MICAL3: variants seen among roughly 807,000 people sequenced by gnomAD.
MICAL3 encodes microtubule associated monooxygenase, calponin and LIM domain containing 3, also known as [F-actin]-monooxygenase MICAL3.
MICAL3 carries 62 observed loss-of-function variants against 207.4 expected under a neutral mutation model. The ratio of observed to expected loss-of-function variants is 0.30; its 90% CI spans 0.24 to 0.37. The LOEUF is 0.37. MICAL3 is among the 10% of genes least tolerant of loss of function. The pLI is 1.00. For missense variants in MICAL3, 2,368 were observed against 2,635.6 expected, an observed-to-expected ratio of 0.90 and a Z score of 2.22; for synonymous variants, 1,077 against 1,069.3, an observed-to-expected ratio of 1.01 and a Z score of -0.14.
rs548605391 is a variant in MICAL3 at position 17,833,599 on chromosome 22, C to A, written c.2802-1492G>T. Among the ~76,000 whole-genome samples, 9 of 152,350 alleles carry A rather than the reference C, an allele frequency of 5.9e-5. No homozygotes were observed. In the East Asian group the frequency reaches 1.7e-3, roughly 29 times the overall value. Reference sequence around the variant, plus strand: ...AGGACTCCAGCCCTTGTCCTTGGCTCCACGAAAGTAACCTAGACACGCCTG... The same window carrying A: ...AGGACTCCAGCCCTTGTCCTTGGCTACACGAAAGTAACCTAGACACGCCTG... On this transcript the variant is annotated intron_variant, in intron 20 of 31. Transcript: ENST00000441493.
chr22:17,821,503 G>A lies in MICAL3; in HGVS notation c.3455C>T (p.Ser1152Phe). The change falls in exon 25 of 32, where the codon TCC becomes TTC. Residue 1152 changes from serine (S) to phenylalanine (F), a missense_variant. Ser to Phe is a radical substitution (Grantham distance 155, BLOSUM62 -2). Around this residue, in one of 4 missense-constraint regions of MICAL3, gnomAD observed 1,770 missense variants for 1,863.2 expected, o/e 0.95. Transcript: ENST00000441493. ...AGACCGGATGGGGCTGGTGGCTTGG[G>A]AGGGACCTGAAAAGAATGAACACAG... ...ASPKHQERGPSQATSPIRSPQ... is the reference protein window; with the variant it reads ...ASPKHQERGPFQATSPIRSPQ... 1 of 1,539,064 alleles carries A rather than the reference G, an allele frequency of 6.5e-7. No homozygotes were observed. Among genetic ancestry groups the A allele is most frequent in the Non-Finnish European group, 8.7e-7 (1 of 1,143,652 alleles).
In MICAL3 at chr22:17,870,624, A is replaced by G. The variant is rs1029885172; in HGVS notation, c.2428+1213T>C. On this transcript the variant is annotated intron_variant, in intron 17 of 31. Coordinates refer to ENST00000441493, the MANE Select transcript of MICAL3 (RefSeq NM_015241.3). The stretch of plus-strand genomic sequence containing the variant: ...CTAGAACACCCTGAGCATCAGGGAC[A>G]GCTCAGCGAGGTTGGGTGGCTCCCT... 2.0e-5 allele frequency among the ~76,000 whole-genome samples: 3 copies of G among 152,212 alleles called. No homozygotes were observed. The East Asian group carries it at 5.8e-4, about 29-fold the overall frequency.
In MICAL3 at chr22:17,850,654, T is replaced by C. The variant is rs138392404; in HGVS notation, c.2606-8637A>G. ...CTCGATCTCCTGACCTCAGGTGATCTATCTGCCTTGGCCTCTCAAAGTGCA... is the reference window on the plus strand; with the variant it reads ...CTCGATCTCCTGACCTCAGGTGATCCATCTGCCTTGGCCTCTCAAAGTGCA... On this transcript the variant is annotated intron_variant, in intron 19 of 31. Coordinates refer to ENST00000441493, the MANE Select transcript of MICAL3 (RefSeq NM_015241.3). Among the ~76,000 whole-genome samples the C allele has an allele frequency of 5.5e-3, 840 of 152,116 alleles. 6 individuals carry two copies. The highest frequency in any genetic ancestry group is 0.018 in the African/African-American group (741 of 41,492).
At chr22:18,001,010 C>T (rs1273109605) in intron 1 of MICAL3, 1 of 152,212 alleles carries the variant, frequency 6.6e-6, no homozygotes, top group East Asian at 1.9e-4. Flanking sequence ...CCCCCACCCT[C>T]CGCCTCCCGC....
chr22:17,868,116 G>C (rs1006317901), intron 17 of MICAL3, among the ~76,000 whole-genome samples: 3 of 152,154 alleles, frequency 2.0e-5, no homozygotes, highest in African/African-American at 7.2e-5. Flanking sequence ...AGCGCTAAGT[G>C]TGATCTCCGT....
chr22:17,884,309 T>C (rs773356541), intron 16 of MICAL3: 3 of 1,591,664 alleles, frequency 1.9e-6, no homozygotes, highest in Non-Finnish European at 2.6e-6. Context: ...AGGGCGAACC[T>C]GCCCAGGCAG....
At chr22:17,826,701 TGAGAA>T (rs61346013) in intron 22 of MICAL3, among the ~76,000 whole-genome samples, 2 of 151,684 alleles carry the variant, frequency 1.3e-5, no homozygotes. Context: ...AGAATCAGGA[TGAGAA>T]GAGAAGAGGG....
chr22:17,822,206 C>G, intron 23 of MICAL3, 36 bp from the exon 24 acceptor site: 1 of 1,591,838 alleles, frequency 6.3e-7, no homozygotes, highest in Non-Finnish European at 8.6e-7. Flanking sequence ...GGTGCACACC[C>G]TAAGTGAGGC....
chr22:17,829,894 ACT>A, intron 21 of MICAL3, among the ~76,000 whole-genome samples: 1 of 151,502 alleles, frequency 6.6e-6, no homozygotes, highest in East Asian at 1.9e-4. Context: ...TTTGCGCCTG[ACT>A]GTCTGGGCAG....
In MICAL3 at chr22:17,983,511, A is replaced by G. The variant is rs527645362; in HGVS notation, c.-75+40770T>C. On this transcript the variant is annotated intron_variant, in intron 1 of 31. Transcript: ENST00000441493. ...TGACAGAACCCTGTGCGCCCCAAGGATGGAGACCGGCAGTGTCCTTCAGAC... is the reference window on the plus strand; with the variant it reads ...TGACAGAACCCTGTGCGCCCCAAGGGTGGAGACCGGCAGTGTCCTTCAGAC... 6 of 152,268 alleles carry G rather than the reference A, an allele frequency of 3.9e-5. No homozygotes were observed. The South Asian group carries it at 6.2e-4, about 16-fold the overall frequency. The allele number at this position is 152,268 out of a possible 1,614,324, so 9.4% of individuals were successfully genotyped here. A position where few individuals can be genotyped will look rare whatever the true frequency, so the allele number is the denominator to read the frequency against.
intron 1 of MICAL3, among the ~76,000 whole-genome samples, chr22:17,967,463 A>AACACACAC (rs71184751): frequency 7.7e-4 from 97 of 126,132 alleles, no homozygotes; most frequent in Admixed American, 2.4e-3. Flanking sequence ...TGTACATGCA[A>AACACACAC]ACACACACAC....
chr22:17,948,818 T>C (rs1322179391), intron 1 of MICAL3, among the ~76,000 whole-genome samples: 2 of 147,822 alleles, frequency 1.4e-5, no homozygotes, highest in East Asian at 2.0e-4. Flanking sequence ...GAGGCTGAGG[T>C]GGGAGGATAG....
chr22:17,866,613 C>CAGAACAGAACAGAATAGAATAGAAT (rs1467864211), intron 17 of MICAL3, among the ~76,000 whole-genome samples: 4 of 136,176 alleles, frequency 2.9e-5, no homozygotes, highest in African/African-American at 8.6e-5. Context: ...TAGAACAGAA[C>CAGAACAGAACAGAATAGAATAGAAT]AGAATAGAAT....
intron 20 of MICAL3, among the ~76,000 whole-genome samples, chr22:17,838,011 CAG>C (rs772492351): frequency 6.6e-6 from 1 of 152,190 alleles, no homozygotes; most frequent in African/African-American, 2.4e-5. Flanking sequence ...TGCTCTGTTG[CAG>C]AGTCTGATCT....
At chr22:17,875,600 A>G (rs934276607) in intron 16 of MICAL3, 2 of 1,282,508 alleles carry the variant, frequency 1.6e-6, no homozygotes, top group Non-Finnish European at 2.2e-6. Context: ...GGAAATGTTA[A>G]ATTAAGTCAC....
rs570490344 is a variant in MICAL3 at position 17,865,982 on chromosome 22, T to A, written c.2459A>T (p.Tyr820Phe). Residue 820 changes from tyrosine (Y) to phenylalanine (F), a missense_variant, in exon 18 of 32, where the codon TAT becomes TTT. By Grantham distance (22) the Tyr-to-Phe change is conservative (BLOSUM62 3). Transcript: ENST00000441493. The part of the protein sequence containing the change: ...GKFYCKPHYC[Y>F]RLSGYAQRKR... The stretch of plus-strand genomic sequence containing the variant: ...CCTTTGTGCGTAGCCAGAGAGTCGA[T>A]AGCAGTAGTGTGGCTTACAGTAGAA... The A allele has an allele frequency of 1.0e-4, 169 of 1,613,968 alleles. 1 individual carries two copies. The East Asian group carries it at 2.6e-3, about 24-fold the overall frequency.
rs1027520250 is a variant in MICAL3 at position 18,024,335 on chromosome 22, G to A, written c.-129C>T. The A allele has an allele frequency of 6.6e-6, 1 of 152,232 alleles. No individual in the cohort carries two copies. The highest frequency in any genetic ancestry group is 2.4e-5 in the African/African-American group (1 of 41,458). 9.4% of individuals were successfully genotyped at this position (152,232 alleles called of 1,614,324 possible). A position where few individuals can be genotyped will look rare whatever the true frequency, so the allele number is the denominator to read the frequency against. On this transcript the variant is annotated 5_prime_UTR_variant, in exon 1 of 32. Transcript: ENST00000441493. ...CGGCGGTGGGCGCCTGCCTCGGCAGGGGCAGGGTGGGTGCCCGCAGGGCAC... is the reference window on the plus strand; with the variant it reads ...CGGCGGTGGGCGCCTGCCTCGGCAGAGGCAGGGTGGGTGCCCGCAGGGCAC...
At chr22:18,004,678 C>T (rs941436962) in intron 1 of MICAL3, 1 of 152,220 alleles carries the variant, frequency 6.6e-6, no homozygotes, top group African/African-American at 2.4e-5. Context: ...AAGTGCTTTG[C>T]CCGCATTATT....
intron 1 of MICAL3, chr22:18,007,433 T>C (rs2146498787): frequency 6.6e-6 from 1 of 152,178 alleles, no homozygotes; most frequent in Non-Finnish European, 1.5e-5. Context: ...CATGATGGTT[T>C]TTTTTTTCTT....
Sources: gnomAD v4.1 joint callset for allele counts (sites outside exome capture counted in the v4.1 genomes callset) on GRCh38, gnomAD v4.1.1 for gene constraint, gnomAD v4.1.1 regional missense constraint, MANE v1.5 for transcripts, NCBI Gene and HGNC (gene_info 2026-07-23, HGNC 2026-07-21) for gene names.